The following CKAP5 variants were observed in gnomAD, a reference collection of about 807,000 sequenced individuals.
CKAP5 encodes cytoskeleton-associated protein 5.
Under a neutral mutation model 232.8 loss-of-function variants are expected in CKAP5, and 27 were observed. That is an observed-to-expected ratio of 0.12 (90% CI 0.09 to 0.16). CKAP5 has a LOEUF of 0.16. CKAP5 is among the 10% of genes least tolerant of loss of function. The probability of loss-of-function intolerance (pLI) is 1.00; values close to 1 mark genes in which losing one functional copy is unlikely to be tolerated. For synonymous variants in CKAP5, 785 were observed against 841.1 expected (o/e 0.93, Z 1.16); for missense variants, 1,838 against 2,424.7 (o/e 0.76, Z 5.08).
chr11:46,776,545 T>G (rs1345697916), intron 23 of CKAP5, among the ~76,000 whole-genome samples, 162 bp from the exon 24 acceptor site: 1 of 152,240 alleles, frequency 6.6e-6, no homozygotes, highest in Non-Finnish European at 1.5e-5. Flanking sequence ...TCTATGATTG[T>G]ACTAAAACTC....
chr11:46,805,701 C>A (rs1487582064), intron 8 of CKAP5, among the ~76,000 whole-genome samples: 1 of 152,152 alleles, frequency 6.6e-6, no homozygotes, highest in Non-Finnish European at 1.5e-5. Flanking sequence ...TTTGGGAGGC[C>A]AAGGAGGGTA....
intron 16 of CKAP5, among the ~76,000 whole-genome samples, chr11:46,785,061 C>A (rs910046910): frequency 6.6e-6 from 1 of 152,148 alleles, no homozygotes. Flanking sequence ...ACTACTAGGG[C>A]TGCCTACAAA....
chr11:46,815,002 T>C (rs537262060), intron 4 of CKAP5, among the ~76,000 whole-genome samples: 127 of 152,270 alleles, frequency 8.3e-4, no homozygotes, highest in Non-Finnish European at 1.1e-3. Flanking sequence ...AAAAGGCCAG[T>C]ACTTTTCTTT....
intron 8 of CKAP5, among the ~76,000 whole-genome samples, chr11:46,801,835 C>T (rs1939037288): frequency 6.6e-6 from 1 of 152,152 alleles, no homozygotes; most frequent in African/African-American, 2.4e-5. Context: ...GATAAAACCA[C>T]AACATCAAAT....
intron 4 of CKAP5, among the ~76,000 whole-genome samples, chr11:46,815,604 C>T (rs1238411836): frequency 1.3e-5 from 2 of 152,192 alleles, no homozygotes; most frequent in Non-Finnish European, 2.9e-5. Context: ...ACTGAAAAGC[C>T]TAATTCTTAA....
chr11:46,785,683 G>A (rs1199372828), intron 16 of CKAP5, among the ~76,000 whole-genome samples: 1 of 152,154 alleles, frequency 6.6e-6, no homozygotes. Flanking sequence ...CCTGGCTCAT[G>A]CCTGTAATCC....
chr11:46,833,401 T>C (rs1348462046), intron 1 of CKAP5, among the ~76,000 whole-genome samples: 2 of 152,132 alleles, frequency 1.3e-5, no homozygotes, highest in Non-Finnish European at 2.9e-5. Context: ...AAGTAAGTAG[T>C]AGTATTAACA....
intron 35 of CKAP5, among the ~76,000 whole-genome samples, chr11:46,756,754 ATTTT>A (rs59822318): frequency 7.8e-6 from 1 of 128,066 alleles, no homozygotes. Context: ...TGGACCTTGA[ATTTT>A]TTTTTTTTTT....
At chr11:46,761,366 G>A (rs1265704842) in intron 32 of CKAP5, among the ~76,000 whole-genome samples, 1 of 152,010 alleles carries the variant, frequency 6.6e-6, no homozygotes, top group Non-Finnish European at 1.5e-5. Flanking sequence ...CTATCTAGCT[G>A]TGTGACTATG....
At position 46,770,775 on chromosome 11, in the gene CKAP5, CAAG is replaced by C. The variant is rs752042137; in HGVS notation, c.3186+10_3186+12del. ...TAGCTTTTAACAGCAGTAGCAGCAA[CAAG>C]AAGTAGTACCTTTAGTTTCCCAGTA... On this transcript the variant is annotated intron_variant, in intron 25 of 43. Coordinates refer to ENST00000529230, the MANE Select transcript of CKAP5 (RefSeq NM_001008938.4). The C allele has an allele frequency of 1.9e-6, 3 of 1,609,638 alleles. No homozygotes were observed. Among genetic ancestry groups the C allele is most frequent in the Non-Finnish European group, 2.5e-6 (3 of 1,177,366 alleles).
chr11:46,829,264 G>C (rs915363905), intron 1 of CKAP5, among the ~76,000 whole-genome samples: 4 of 152,146 alleles, frequency 2.6e-5, no homozygotes, highest in Admixed American at 6.5e-5. Context: ...AGGATGACAA[G>C]GATGAAGACC....
chr11:46,766,092 T>C (rs2065200516), intron 27 of CKAP5, among the ~76,000 whole-genome samples: 1 of 152,094 alleles, frequency 6.6e-6, no homozygotes, highest in African/African-American at 2.4e-5. Context: ...AGAAAGAAAA[T>C]AGTAAACAAT....
intron 20 of CKAP5, among the ~76,000 whole-genome samples, chr11:46,779,003 C>T (rs1173397045): frequency 6.6e-6 from 1 of 152,148 alleles, no homozygotes; most frequent in Non-Finnish European, 1.5e-5. Context: ...TTGCTTGAAC[C>T]TGGAAGGTGG....
chr11:46,790,030 A>ATT (rs1938674090), intron 15 of CKAP5, 46 bp downstream of exon 15: 1 of 1,281,158 alleles, frequency 7.8e-7, no homozygotes, highest in African/African-American at 1.5e-5. Flanking sequence ...CGCTGCTTCC[A>ATT]TATAATCTAA....
At chr11:46,775,349 C>T (rs1565729032) in intron 24 of CKAP5, among the ~76,000 whole-genome samples, 1 of 152,102 alleles carries the variant, frequency 6.6e-6, no homozygotes, top group South Asian at 2.1e-4. Context: ...TGTGGAGAAA[C>T]AGGAACCACT....
intron 8 of CKAP5, among the ~76,000 whole-genome samples, chr11:46,802,469 G>C (rs1299084683): frequency 6.6e-6 from 1 of 151,914 alleles, no homozygotes; most frequent in Non-Finnish European, 1.5e-5. Context: ...ACTTGAATCT[G>C]GGAGGCAGAG....
chr11:46,826,383 C>T (rs925643528), intron 1 of CKAP5, among the ~76,000 whole-genome samples: 2 of 152,182 alleles, frequency 1.3e-5, no homozygotes, highest in Non-Finnish European at 2.9e-5. Flanking sequence ...GCTTACTCAT[C>T]CCAAAGCTAC....
chr11:46,765,125 C>A lies in CKAP5; in HGVS notation c.3537+6G>T, dbSNP rs2065191002. ...AATCTCCTGACGATTCTTAATCCTT[C>A]CTTACCTTCAATCCTTTTTCATCTT... On this transcript the variant is annotated splice_donor_region_variant and intron_variant, in intron 28 of 43. Transcript: ENST00000529230. 4.4e-6 allele frequency: 7 copies of A among 1,609,080 alleles called. No individual in the cohort carries two copies. The highest frequency in any genetic ancestry group is 1.3e-5 in the African/African-American group (1 of 74,704).
At chr11:46,842,381 A>G (rs1279914226) in intron 1 of CKAP5, among the ~76,000 whole-genome samples, 1 of 152,206 alleles carries the variant, frequency 6.6e-6, no homozygotes, top group East Asian at 1.9e-4. Flanking sequence ...AGCCACTGAT[A>G]TACTTCATAT....
Sources: gnomAD v4.1 joint callset for allele counts (sites outside exome capture counted in the v4.1 genomes callset) on GRCh38, gnomAD v4.1.1 for gene constraint, MANE v1.5 for transcripts, NCBI Gene and HGNC (gene_info 2026-07-23, HGNC 2026-07-21) for gene names.